DNM2: variants seen among roughly 807,000 people sequenced by gnomAD.
DNM2 encodes dynamin 2.
Under a neutral mutation model 99.0 loss-of-function variants are expected in DNM2, and 15 were observed. That is an observed-to-expected ratio of 0.15 (90% CI 0.10 to 0.23). The LOEUF (loss-of-function observed/expected upper bound fraction) is 0.23. Among genes scored for constraint, DNM2 ranks in the 10% least tolerant of loss-of-function variants. The probability of loss-of-function intolerance (pLI) is 1.00; values close to 1 mark genes in which losing one functional copy is unlikely to be tolerated. For missense variants in DNM2, 742 were observed against 1,189.4 expected, an observed-to-expected ratio of 0.62 and a Z score of 5.53; for synonymous variants, 525 against 481.2, an observed-to-expected ratio of 1.09 and a Z score of -1.19.
rs924445169 is a variant in DNM2 at position 10,812,077 on chromosome 19, C to A, written c.1558-187C>A. Reference sequence around the variant, plus strand: ...TCTGTCCGCCCACCTGCCCAGGTGGCGCCTCATGTTGGTTTCCTGCTGGAA... The same window carrying A: ...TCTGTCCGCCCACCTGCCCAGGTGGAGCCTCATGTTGGTTTCCTGCTGGAA... On this transcript the variant is annotated intron_variant, in intron 14 of 20. Transcript: ENST00000389253. The surrounding 1 kb of genome is among the most constrained non-coding windows in gnomAD (Gnocchi z 4.0). 2 of 565,428 alleles carry A rather than the reference C, an allele frequency of 3.5e-6. No individual in the cohort carries two copies. The highest frequency in any genetic ancestry group is 6.7e-6 in the Non-Finnish European group (2 of 298,828). The allele number at this position is 565,428 out of a possible 1,614,324, so 35.0% of individuals were successfully genotyped here.
rs1335842074 is a variant in DNM2 at position 10,812,399 on chromosome 19, G to A, written c.1671+22G>A. On this transcript the variant is annotated intron_variant, in intron 15 of 20. Coordinates refer to ENST00000389253, the MANE Select transcript of DNM2 (RefSeq NM_001005361.3). The surrounding 1 kb of genome is among the most constrained non-coding windows in gnomAD (Gnocchi z 4.0). ...GGAGGTGAGTGGCAGGCGGGAGCAG[G>A]GCTGCTGGGGTAGGTGGGGCAGCCA... is the stretch of plus-strand genomic sequence containing the variant. 1 of 1,582,370 alleles carries A rather than the reference G, an allele frequency of 6.3e-7. No individual in the cohort carries two copies. Among genetic ancestry groups the A allele is most frequent in the Non-Finnish European group, 8.6e-7 (1 of 1,162,790 alleles).
At chr19:10,766,374 G>T (rs1405670174) in intron 2 of DNM2, among the ~76,000 whole-genome samples, 2 of 152,138 alleles carry the variant, frequency 1.3e-5, no homozygotes, top group Non-Finnish European at 2.9e-5. Context: ...CAGGCCAGAG[G>T]TGACTGTGGC....
chr19:10,798,673 C>T (rs1159078984), intron 11 of DNM2, 101 bp downstream of exon 11: 1 of 1,303,352 alleles, frequency 7.7e-7, no homozygotes, highest in Non-Finnish European at 1.1e-6. Context: ...CAAAGTAACC[C>T]TTACCTCAAT....
rs925362032 is a variant in DNM2 at position 10,795,886 on chromosome 19, G to C, written c.1196+447G>C. On this transcript the variant is annotated intron_variant, in intron 9 of 20. Transcript: ENST00000389253. This position sits in a 1 kb window ranked among gnomAD's most constrained non-coding sequence, Gnocchi z 4.2. ...TCCAGGTGTCTGCCCTTCCATCGCC[G>C]TGGGGTCCTCGGGTCACCCTGAGGG... The C allele has an allele frequency of 3.0e-6, 3 of 1,006,632 alleles. No individual in the cohort carries two copies. Among genetic ancestry groups the C allele is most frequent in the African/African-American group, 3.2e-5 (2 of 63,008 alleles). The allele number at this position is 1,006,632 out of a possible 1,614,324, so 62.4% of individuals were successfully genotyped here.
At position 10,777,262 on chromosome 19, in the gene DNM2, C is replaced by T. The variant is rs146087517; in HGVS notation, c.688+46C>T. ...GGGAAGCAGGAGGATGGGTGGGGTC[C>T]TTATCATTACTGAAACCCCAGCACC... is the stretch of plus-strand genomic sequence containing the variant. On this transcript the variant is annotated intron_variant, in intron 5 of 20. Transcript: ENST00000389253. 324 of 1,570,794 alleles carry T rather than the reference C, an allele frequency of 2.1e-4. 1 individual carries two copies. In the African/African-American group the frequency reaches 3.7e-3, roughly 18 times the overall value.
chr19:10,789,012 C>A (rs2071659180), intron 7 of DNM2, among the ~76,000 whole-genome samples: 2 of 152,172 alleles, frequency 1.3e-5, no homozygotes, highest in African/African-American at 4.8e-5. Context: ...TTCTACAGAG[C>A]AGATAGTGGC....
At chr19:10,768,514 C>G (rs2070873121) in intron 2 of DNM2, 1 of 152,290 alleles carries the variant, frequency 6.6e-6, no homozygotes, top group Non-Finnish European at 1.5e-5. Flanking sequence ...CTGTTGGTTC[C>G]CAGCCTGCAT....
chr19:10,773,689 A>G lies in DNM2; in HGVS notation c.385+1061A>G, dbSNP rs1471773760. Among the ~76,000 whole-genome samples the G allele has an allele frequency of 2.6e-5, 4 of 151,220 alleles. 1 individual carries two copies. In the East Asian group the frequency reaches 7.8e-4, roughly 30 times the overall value. ...CACCATGTTGCACAGGCTGGTCTCG[A>G]ACTCCTGAGCTCAGGCAATCCACCC... On this transcript the variant is annotated intron_variant, in intron 3 of 20. Transcript: ENST00000389253.
chr19:10,787,618 G>C (rs1430311454), intron 7 of DNM2, among the ~76,000 whole-genome samples: 1 of 151,872 alleles, frequency 6.6e-6, no homozygotes, highest in Non-Finnish European at 1.5e-5. Flanking sequence ...AGCCGGGCGC[G>C]GTGGTGGGCA....
In DNM2 at chr19:10,766,455, G is replaced by T. The variant is rs149000278; in HGVS notation, c.236-6024G>T. ...GAGAAGGTGGCAGCTTGCACCTGTG[G>T]CTCCCTTCTGGGGACACCTCAAAGG... On this transcript the variant is annotated intron_variant, in intron 2 of 20. Transcript: ENST00000389253. Among the ~76,000 whole-genome samples the T allele has an allele frequency of 6.4e-4, 97 of 152,240 alleles. 1 individual carries two copies. The East Asian group carries it at 0.016, about 26-fold the overall frequency.
chr19:10,764,821 CTG>C lies in DNM2; in HGVS notation c.235+5013_235+5014del, dbSNP rs1420795191. 2.6e-5 allele frequency among the ~76,000 whole-genome samples: 4 copies of C among 152,222 alleles called. No homozygotes were observed. The highest frequency in any genetic ancestry group is 2.6e-4 in the Admixed American group (4 of 15,278). ...CTTGCTGGTTCCCACTGCTTGGCCT[CTG>C]TGCTCACTGTGCTGCCTGCCTGGAA... On this transcript the variant is annotated intron_variant, in intron 2 of 20. Coordinates refer to ENST00000389253, the MANE Select transcript of DNM2 (RefSeq NM_001005361.3). The surrounding 1 kb of genome is among the most constrained non-coding windows in gnomAD (Gnocchi z 4.1).
rs1344614986 is a variant in DNM2, at chr19:10,812,113, CAG to C, written c.1558-150_1558-149del. The C allele has an allele frequency of 1.6e-6, 1 of 638,374 alleles. No individual in the cohort carries two copies. The highest frequency in any genetic ancestry group is 2.1e-5 in the Admixed American group (1 of 46,734). 39.5% of individuals were successfully genotyped at this position (638,374 alleles called of 1,614,324 possible). On this transcript the variant is annotated intron_variant, in intron 14 of 20. Coordinates refer to ENST00000389253, the MANE Select transcript of DNM2 (RefSeq NM_001005361.3). This position sits in a 1 kb window ranked among gnomAD's most constrained non-coding sequence, Gnocchi z 4.0. ...GGTTTCCTGCTGGAAATGCTTGGGACAGGGTGGAACTGGGTTTCCTGGGCTTT... is the reference window on the plus strand; with the variant it reads ...GGTTTCCTGCTGGAAATGCTTGGGACGGTGGAACTGGGTTTCCTGGGCTTT...
intron 1 of DNM2, among the ~76,000 whole-genome samples, chr19:10,740,914 T>G (rs1035480813): frequency 2.6e-5 from 4 of 152,244 alleles, no homozygotes; most frequent in African/African-American, 9.6e-5. Context: ...CTAACTTCAT[T>G]TCACTGTGGT....
intron 12 of DNM2, 80 bp downstream of exon 12, chr19:10,802,438 C>A (rs1389767364): frequency 2.0e-6 from 3 of 1,491,406 alleles, no homozygotes; most frequent in Non-Finnish European, 2.8e-6. Context: ...AGTTGGGATT[C>A]TCTGAGAGGG....
chr19:10,825,996 C>G (rs1415451733), intron 18 of DNM2, among the ~76,000 whole-genome samples: 1 of 152,128 alleles, frequency 6.6e-6, no homozygotes, highest in East Asian at 1.9e-4. Flanking sequence ...GATCATGCCA[C>G]TGCACTCCAG....
intron 1 of DNM2, among the ~76,000 whole-genome samples, chr19:10,729,907 G>C (rs1034174991): frequency 1.3e-5 from 2 of 151,442 alleles, no homozygotes; most frequent in African/African-American, 4.9e-5. Flanking sequence ...CTGTCACCCA[G>C]GCTGGAGTGC....
At chr19:10,797,163 T>C (rs1411551177) in intron 9 of DNM2, among the ~76,000 whole-genome samples, 2 of 151,984 alleles carry the variant, frequency 1.3e-5, no homozygotes, top group Non-Finnish European at 2.9e-5. Context: ...CCCGTGGCCC[T>C]TCTGTAACTA....
intron 2 of DNM2, among the ~76,000 whole-genome samples, chr19:10,769,046 G>C (rs1007453437): frequency 3.3e-5 from 5 of 152,268 alleles, no homozygotes; most frequent in Admixed American, 1.3e-4. Flanking sequence ...TCCTGCCTGT[G>C]TGTGCTGGGG....
chr19:10,752,219 A>T (rs945677717), intron 1 of DNM2, among the ~76,000 whole-genome samples: 4 of 152,182 alleles, frequency 2.6e-5, no homozygotes, highest in Non-Finnish European at 5.9e-5. Context: ...CAGAAAGGAA[A>T]AAGGAAAAAA....
Sources: allele counts gnomAD v4.1 joint callset (sites outside exome capture counted in the v4.1 genomes callset), GRCh38; gene constraint gnomAD v4.1.1; non-coding constraint Gnocchi (gnomAD v3.1); transcripts MANE v1.5; gene names NCBI Gene and HGNC (gene_info 2026-07-23, HGNC 2026-07-21).